The following SAMD5 variants were observed in gnomAD, a reference collection of about 807,000 sequenced individuals.
SAMD5 encodes sterile alpha motif domain-containing protein 5.
SAMD5 carries 13 observed loss-of-function variants against 11.3 expected under a neutral mutation model. That is an observed-to-expected ratio of 1.15 (90% CI 0.75 to 1.83). The LOEUF (loss-of-function observed/expected upper bound fraction) is 1.83, where lower values mean the gene tolerates loss of function less well. Ranked by LOEUF, SAMD5 falls within the 40% of genes most tolerant of loss-of-function variation. The pLI is 0.00. For missense variants in SAMD5, 255 were observed against 239.1 expected (o/e 1.07, Z -0.44); for synonymous variants, 129 against 111.3 (o/e 1.16, Z -1.00).
the SAMD5 span, among the ~76,000 whole-genome samples, chr6:147,839,003 A>G: frequency 6.6e-6 from 1 of 152,370 alleles, no homozygotes; most frequent in East Asian, 1.9e-4. Context: ...CGACATTTCT[A>G]TACAGGTAGA....
At chr6:147,768,826 G>T in the SAMD5 span, among the ~76,000 whole-genome samples, 2 of 152,026 alleles carry the variant, frequency 1.3e-5, no homozygotes, top group Non-Finnish European at 2.9e-5. Flanking sequence ...ACGGAGTCTT[G>T]CTCTGTCACC....
chr6:147,612,251 A>C (rs1341919503), intron 1 of SAMD5, among the ~76,000 whole-genome samples: 5 of 152,102 alleles, frequency 3.3e-5, no homozygotes, highest in Non-Finnish European at 5.9e-5. Context: ...GTTGGCAGAG[A>C]CTGTGAGTTT....
intron 1 of SAMD5, among the ~76,000 whole-genome samples, chr6:147,685,989 C>G (rs112201813): frequency 2.0e-5 from 3 of 152,212 alleles, no homozygotes; most frequent in African/African-American, 7.2e-5. Context: ...GTTAATACAC[C>G]GTGGCAACTG....
intron 1 of SAMD5, among the ~76,000 whole-genome samples, chr6:147,606,756 A>C (rs2128448718): frequency 6.6e-6 from 1 of 151,912 alleles, no homozygotes; most frequent in East Asian, 1.9e-4. Context: ...TCCTCACAAC[A>C]TGTTTATAGT....
Position 147,565,462 on chromosome 6 carries a change from T to TA in SAMD5, c.*1007dup, listed in dbSNP as rs1789021884. ...TATCGTTCTTGTGTTTGGATGCTGG[T>TA]AGTTTTTTTTTTTTTAGACAGAGTC... is the stretch of plus-strand genomic sequence containing the variant. On this transcript the variant is annotated 3_prime_UTR_variant, in exon 2 of 2. Transcript: ENST00000367474. The TA allele has an allele frequency of 1.1e-6, 1 of 938,568 alleles. No homozygotes were observed. Among genetic ancestry groups the TA allele is most frequent in the Admixed American group, 7.5e-5 (1 of 13,384 alleles). 58.1% of individuals were successfully genotyped at this position (938,568 alleles called of 1,614,324 possible).
At chr6:147,663,365 G>T (rs920715734) in intron 1 of SAMD5, among the ~76,000 whole-genome samples, 1 of 152,094 alleles carries the variant, frequency 6.6e-6, no homozygotes, top group Non-Finnish European at 1.5e-5. Flanking sequence ...AAGAACTAAT[G>T]GGTACTAGGC....
At chr6:147,517,963 C>T (rs561834049) in intron 1 of SAMD5, among the ~76,000 whole-genome samples, 5 of 151,464 alleles carry the variant, frequency 3.3e-5, no homozygotes, top group African/African-American at 1.2e-4. Context: ...TTTAAAAATG[C>T]TCTTAGTGGG....
At chr6:147,826,823 C>A in the SAMD5 span, among the ~76,000 whole-genome samples, 1 of 152,154 alleles carries the variant, frequency 6.6e-6, no homozygotes, top group East Asian at 1.9e-4. Context: ...TATGTATCCT[C>A]ATCCATCAGG....
intron 1 of SAMD5, among the ~76,000 whole-genome samples, chr6:147,578,201 T>C (rs372674392): frequency 2.6e-5 from 4 of 152,296 alleles, no homozygotes; most frequent in Admixed American, 6.5e-5. Context: ...GAATCTTGCC[T>C]TTGAATTTTT....
intron 1 of SAMD5, among the ~76,000 whole-genome samples, chr6:147,519,239 A>T (rs963954690): frequency 6.6e-6 from 1 of 152,188 alleles, no homozygotes. Flanking sequence ...AAGACTAGAG[A>T]TGTACCTACT....
the SAMD5 span, among the ~76,000 whole-genome samples, chr6:147,809,614 T>A: frequency 2.0e-5 from 3 of 152,208 alleles, no homozygotes; most frequent in Non-Finnish European, 4.4e-5. Flanking sequence ...AAATTAAATG[T>A]GGGGCGGTGT....
chr6:147,635,039 C>T (rs1157463019), intron 1 of SAMD5, among the ~76,000 whole-genome samples: 1 of 152,150 alleles, frequency 6.6e-6, no homozygotes, highest in Admixed American at 6.6e-5. Flanking sequence ...GAGTAAGAGC[C>T]AAAATGTTAA....
chr6:147,813,199 C>T, the SAMD5 span, among the ~76,000 whole-genome samples: 3 of 152,166 alleles, frequency 2.0e-5, no homozygotes, highest in South Asian at 2.1e-4. Context: ...TAGAGATACA[C>T]GAGAGTAGGT....
At chr6:147,524,474 G>A (rs558211419) in intron 1 of SAMD5, among the ~76,000 whole-genome samples, 1 of 151,082 alleles carries the variant, frequency 6.6e-6, no homozygotes, top group African/African-American at 2.4e-5. Flanking sequence ...GCCTATAATA[G>A]TGAACCGAAG....
At chr6:147,941,014 G>A in the SAMD5 span, among the ~76,000 whole-genome samples, 9 of 151,914 alleles carry the variant, frequency 5.9e-5, no homozygotes, top group African/African-American at 1.7e-4. Context: ...TGTTTTCAGG[G>A]TTCCTGAAAA....
intron 1 of SAMD5, among the ~76,000 whole-genome samples, chr6:147,661,665 T>C (rs1032352431): frequency 6.6e-6 from 1 of 152,228 alleles, no homozygotes; most frequent in Non-Finnish European, 1.5e-5. Flanking sequence ...AGTCTCTCAC[T>C]GTTGCCTGGG....
At chr6:147,787,793 C>T in the SAMD5 span, among the ~76,000 whole-genome samples, 3 of 152,218 alleles carry the variant, frequency 2.0e-5, no homozygotes, top group Non-Finnish European at 4.4e-5. Flanking sequence ...TGCATTGGCA[C>T]TGGATTGCAA....
chr6:147,633,969 T>C (rs1402675938), intron 1 of SAMD5, among the ~76,000 whole-genome samples: 1 of 152,148 alleles, frequency 6.6e-6, no homozygotes, highest in Non-Finnish European at 1.5e-5. Context: ...ACTCTTCATT[T>C]TTCTCCAGCT....
At chr6:147,861,371 C>A in the SAMD5 span, among the ~76,000 whole-genome samples, 1 of 136,416 alleles carries the variant, frequency 7.3e-6, no homozygotes, top group African/African-American at 2.5e-5. Flanking sequence ...TCACCATATT[C>A]GCCAGGCTAG....
Sources: gnomAD v4.1 joint callset for allele counts (sites outside exome capture counted in the v4.1 genomes callset) on GRCh38, gnomAD v4.1.1 for gene constraint, MANE v1.5 for transcripts, NCBI Gene and HGNC (gene_info 2026-07-23, HGNC 2026-07-21) for gene names.